Variants in ZSWIM5 observed in about 807,000 individuals in gnomAD.
ZSWIM5 encodes zinc finger SWIM domain-containing protein 5.
Under a neutral mutation model 119.6 loss-of-function variants are expected in ZSWIM5, and 55 were observed. The ratio of observed to expected loss-of-function variants is 0.46; its 90% CI spans 0.37 to 0.58. The LOEUF is 0.58. Among genes scored for constraint, ZSWIM5 ranks in the 20% least tolerant of loss-of-function variants. ZSWIM5 has a pLI of 0.00. For synonymous variants in ZSWIM5, 537 were observed against 606.9 expected, an observed-to-expected ratio of 0.88 and a Z score of 1.69; for missense variants, 1,193 against 1,512.8, an observed-to-expected ratio of 0.79 and a Z score of 3.51.
chr1:45,165,418 A>AT (rs1354287190), intron 1 of ZSWIM5, among the ~76,000 whole-genome samples: 31 of 152,170 alleles, frequency 2.0e-4, no homozygotes, highest in African/African-American at 7.0e-4. Context: ...TAGAGAAGCA[A>AT]GAGCAAACAC....
chr1:45,171,635 CA>C, intron 1 of ZSWIM5, among the ~76,000 whole-genome samples: 1 of 152,068 alleles, frequency 6.6e-6, no homozygotes, highest in Non-Finnish European at 1.5e-5. Flanking sequence ...ATCAGAACCA[CA>C]AAAGTGCAAA....
chr1:45,148,759 C>CTCCT (rs1645777684), intron 1 of ZSWIM5, among the ~76,000 whole-genome samples: 1 of 152,210 alleles, frequency 6.6e-6, no homozygotes, highest in Non-Finnish European at 1.5e-5. Context: ...GCAGACAAAG[C>CTCCT]TATACACAGT....
chr1:45,158,620 T>C (rs1444835300), intron 1 of ZSWIM5, among the ~76,000 whole-genome samples: 1 of 152,226 alleles, frequency 6.6e-6, no homozygotes, highest in Non-Finnish European at 1.5e-5. Context: ...ATCTGTAAAA[T>C]AGATATAATA....
chr1:45,170,583 C>T (rs1031408486), intron 1 of ZSWIM5, among the ~76,000 whole-genome samples: 10 of 151,654 alleles, frequency 6.6e-5, no homozygotes, highest in African/African-American at 2.4e-4. Flanking sequence ...TACCACCATG[C>T]CTGGCTAATT....
intron 2 of ZSWIM5, among the ~76,000 whole-genome samples, chr1:45,078,779 C>G (rs1645270520): frequency 6.6e-6 from 1 of 152,222 alleles, no homozygotes; most frequent in South Asian, 2.1e-4. Context: ...CCTCCAGACT[C>G]TGGGTGTGTC....
At chr1:45,056,295 C>G (rs2148999228) in intron 4 of ZSWIM5, among the ~76,000 whole-genome samples, 1 of 151,990 alleles carries the variant, frequency 6.6e-6, no homozygotes, top group Middle Eastern at 3.4e-3. Flanking sequence ...AATTTGAGAT[C>G]AAAGATATTA....
At chr1:45,050,096 G>A (rs1388257224) in intron 5 of ZSWIM5, among the ~76,000 whole-genome samples, 2 of 152,214 alleles carry the variant, frequency 1.3e-5, no homozygotes, top group Non-Finnish European at 2.9e-5. Context: ...GCTCATGCCT[G>A]TAATCCCAGC....
intron 1 of ZSWIM5, among the ~76,000 whole-genome samples, chr1:45,201,658 T>C (rs555404964): frequency 6.6e-6 from 1 of 152,324 alleles, no homozygotes; most frequent in African/African-American, 2.4e-5. Context: ...AAATTCACTC[T>C]CTTTAGTTTA....
chr1:45,138,463 C>T (rs1038500881), intron 1 of ZSWIM5, among the ~76,000 whole-genome samples: 5 of 148,196 alleles, frequency 3.4e-5, no homozygotes, highest in African/African-American at 1.3e-4. Context: ...CAAGACCACG[C>T]CATTGCACTC....
intron 1 of ZSWIM5, among the ~76,000 whole-genome samples, chr1:45,193,983 C>G (rs1405547519): frequency 2.7e-5 from 4 of 148,966 alleles, no homozygotes. Flanking sequence ...GTAGATAAAT[C>G]CAAATACATG....
intron 1 of ZSWIM5, among the ~76,000 whole-genome samples, chr1:45,099,139 GATAGACCGCT>G (rs1165214553): frequency 6.6e-6 from 1 of 152,018 alleles, no homozygotes. Flanking sequence ...CAACAAAATT[GATAGACCGCT>G]AGCAAGACTA....
chr1:45,090,266 A>G (rs1261559063), intron 1 of ZSWIM5, among the ~76,000 whole-genome samples: 1 of 152,260 alleles, frequency 6.6e-6, no homozygotes, highest in Non-Finnish European at 1.5e-5. Flanking sequence ...CCAGAGCAAG[A>G]AAAAGATAAA....
At chr1:45,104,679 T>G (rs529135520) in intron 1 of ZSWIM5, among the ~76,000 whole-genome samples, 2 of 152,304 alleles carry the variant, frequency 1.3e-5, no homozygotes, top group Non-Finnish European at 1.5e-5. Context: ...TTGGTTTGTT[T>G]GTATTATAGA....
chr1:45,175,034 C>A (rs1645971451), intron 1 of ZSWIM5, among the ~76,000 whole-genome samples: 1 of 152,104 alleles, frequency 6.6e-6, no homozygotes, highest in South Asian at 2.1e-4. Context: ...CCATAAGGAT[C>A]CAGTCCAAAG....
At chr1:45,028,235 T>G (rs1644931742) in intron 11 of ZSWIM5, among the ~76,000 whole-genome samples, 1 of 152,246 alleles carries the variant, frequency 6.6e-6, no homozygotes, top group East Asian at 1.9e-4. Flanking sequence ...CTATATTTTT[T>G]TTGTTGTTCA....
At chr1:45,145,253 A>G (rs1469797441) in intron 1 of ZSWIM5, among the ~76,000 whole-genome samples, 1 of 151,780 alleles carries the variant, frequency 6.6e-6, no homozygotes, top group African/African-American at 2.4e-5. Flanking sequence ...AGCATTTGTC[A>G]GTTTCTTAAG....
At chr1:45,116,722 C>G (rs1222759053) in intron 1 of ZSWIM5, among the ~76,000 whole-genome samples, 1 of 152,144 alleles carries the variant, frequency 6.6e-6, no homozygotes, top group Non-Finnish European at 1.5e-5. Flanking sequence ...TGACTACCTT[C>G]CAGTTTACTG....
chr1:45,020,283 G>A, intron 12 of ZSWIM5, 136 bp from the exon 13 acceptor site: 1 of 735,226 alleles, frequency 1.4e-6, no homozygotes, highest in Non-Finnish European at 2.3e-6. Flanking sequence ...ATAAAATACA[G>A]TTAATTTCTT....
intron 1 of ZSWIM5, among the ~76,000 whole-genome samples, chr1:45,151,538 C>T (rs1645796920): frequency 6.6e-6 from 1 of 151,860 alleles, no homozygotes; most frequent in South Asian, 2.1e-4. Flanking sequence ...TTAAACATTA[C>T]ATAATTGCAT....
Sources: allele counts gnomAD v4.1 joint callset (sites outside exome capture counted in the v4.1 genomes callset), GRCh38; gene constraint gnomAD v4.1.1; transcripts MANE v1.5; gene names NCBI Gene and HGNC (gene_info 2026-07-23, HGNC 2026-07-21).